Variants in PAAF1 observed in about 807,000 individuals in gnomAD.
PAAF1 encodes proteasomal ATPase-associated factor 1.
In PAAF1, 46 loss-of-function variants were observed where a neutral mutation model predicts 52.8. The ratio of observed to expected loss-of-function variants is 0.87; its 90% CI spans 0.69 to 1.11. The LOEUF (loss-of-function observed/expected upper bound fraction) is 1.11. Ranked by LOEUF, PAAF1 falls within the 50% of genes most tolerant of loss-of-function variation. The pLI is 0.00. For synonymous variants in PAAF1, 178 were observed against 172.8 expected (o/e 1.03, Z -0.24); for missense variants, 424 against 477.4 (o/e 0.89, Z 1.04).
In PAAF1 at chr11:73,929,848, G is replaced by A. The variant is rs530336518; in HGVS notation, c.*2486G>A. ...AAGACGGGTGGATCACCTGAGGTCAGGAGTTCGAGACCAGCCTGACCAACA... is the reference window on the plus strand; with the variant it reads ...AAGACGGGTGGATCACCTGAGGTCAAGAGTTCGAGACCAGCCTGACCAACA... On this transcript the variant is annotated 3_prime_UTR_variant, in exon 12 of 12. Transcript: ENST00000310571. 5 of 150,990 alleles carry A rather than the reference G, an allele frequency of 3.3e-5. No homozygotes were observed. The highest frequency in any genetic ancestry group is 9.7e-5 in the African/African-American group (4 of 41,048). The allele number at this position is 150,990 out of a possible 1,614,324, so 9.4% of individuals were successfully genotyped here. A position where few individuals can be genotyped will look rare whatever the true frequency, so the allele number is the denominator to read the frequency against.
At chr11:73,914,019 C>T (rs1268050888) in intron 7 of PAAF1, among the ~76,000 whole-genome samples, 1 of 152,028 alleles carries the variant, frequency 6.6e-6, no homozygotes, top group Non-Finnish European at 1.5e-5. Flanking sequence ...TTGTGAATGG[C>T]CCCTGCACTC....
chr11:73,894,606 G>A (rs185019783), intron 4 of PAAF1, among the ~76,000 whole-genome samples: 6 of 151,650 alleles, frequency 4.0e-5, no homozygotes, highest in Admixed American at 2.0e-4. Context: ...CATTGTGCAC[G>A]TGTACCCTAA....
chr11:73,925,628 C>G (rs1413281595), intron 11 of PAAF1, among the ~76,000 whole-genome samples: 3 of 152,044 alleles, frequency 2.0e-5, no homozygotes, highest in South Asian at 4.1e-4. Context: ...ATTAAGACTT[C>G]TAGACTGATT....
intron 11 of PAAF1, 75 bp from the exon 12 acceptor site, chr11:73,927,210 T>A (rs557169928): frequency 2.2e-5 from 24 of 1,087,380 alleles, no homozygotes; most frequent in Non-Finnish European, 3.1e-5. Context: ...CTAGTGTGTG[T>A]CAATCATAAG....
At position 73,909,399 on chromosome 11, in the gene PAAF1, G is replaced by T. The variant is rs1338520779; in HGVS notation, c.533G>T (p.Gly178Val). 1 of 1,613,586 alleles carries T rather than the reference G, an allele frequency of 6.2e-7. No homozygotes were observed. The highest frequency in any genetic ancestry group is 2.2e-5 in the East Asian group (1 of 44,858). Residue 178 changes from glycine (G) to valine (V), a missense_variant and splice_region_variant, in exon 7 of 12, where the codon GGT becomes GTT. Gly to Val is a moderately radical substitution (Grantham distance 109). Coordinates refer to ENST00000310571, the MANE Select transcript of PAAF1 (RefSeq NM_025155.3). ...TTAGGGAGTTTTTTTCTCTTGCTAG[G>T]TATCCTGGATACAGCCATCGTTGAT... ...CVVTFKGHKG[G>V]ILDTAIVDRG...
At chr11:73,925,465 C>CA (rs369208529) in intron 11 of PAAF1, among the ~76,000 whole-genome samples, 12,612 of 83,370 alleles carry the variant, frequency 0.15, 980 homozygotes, top group African/African-American at 0.31. Context: ...GACCCTGTCT[C>CA]AAAAAAAAAA....
chr11:73,878,120 CCTTA>C (rs1948794974), intron 1 of PAAF1, among the ~76,000 whole-genome samples: 2 of 152,120 alleles, frequency 1.3e-5, no homozygotes, highest in African/African-American at 2.4e-5. Context: ...TAAATTTATA[CCTTA>C]CTTAATTTAG....
rs924287143 is a variant in PAAF1 at position 73,880,966 on chromosome 11, C to G, written c.88+2147C>G. Among the ~76,000 whole-genome samples the G allele has an allele frequency of 4.6e-5, 7 of 152,048 alleles. No homozygotes were observed. In the South Asian group the frequency reaches 1.5e-3, roughly 32 times the overall value. On this transcript the variant is annotated intron_variant, in intron 2 of 11. Coordinates refer to ENST00000310571, the MANE Select transcript of PAAF1 (RefSeq NM_025155.3). ...AGTGAGTGGAGATCGTGCCATTGCA[C>G]TCCAGCCTGGGCAACAAGAGCGAAA...
upstream of PAAF1, chr11:73,876,905 C>A: frequency 9.3e-7 from 1 of 1,074,052 alleles, no homozygotes; most frequent in Non-Finnish European, 1.3e-6. Context: ...GTGAAAAAGT[C>A]ACGTTTTCAT....
At chr11:73,881,277 C>T (rs955089879) in intron 2 of PAAF1, among the ~76,000 whole-genome samples, 1 of 152,076 alleles carries the variant, frequency 6.6e-6, no homozygotes. Context: ...TTTTTCTTGC[C>T]GATACATACT....
At chr11:73,921,849 A>G (rs1950228777) in intron 10 of PAAF1, 1 of 1,121,466 alleles carries the variant, frequency 8.9e-7, no homozygotes, top group Non-Finnish European at 1.3e-6. Flanking sequence ...GATACATTGC[A>G]TTAAGTGGAA....
intron 2 of PAAF1, 59 bp downstream of exon 2, chr11:73,878,878 A>C (rs1273935159): frequency 1.3e-6 from 2 of 1,521,208 alleles, no homozygotes; most frequent in East Asian, 4.5e-5. Flanking sequence ...ATACCCTTAA[A>C]AGAAAGCTTC....
chr11:73,899,349 C>A, intron 5 of PAAF1, 105 bp downstream of exon 5: 1 of 716,432 alleles, frequency 1.4e-6, no homozygotes. Flanking sequence ...AAATGTGGGA[C>A]CACTCTGCAT....
At chr11:73,902,053 T>G (rs573363625) in intron 6 of PAAF1, among the ~76,000 whole-genome samples, 1 of 151,618 alleles carries the variant, frequency 6.6e-6, no homozygotes, top group East Asian at 1.9e-4. Context: ...TTAGTAGAGA[T>G]GGGGTTTCGC....
In PAAF1 at chr11:73,906,773, G is replaced by A. The variant is rs529539893; in HGVS notation, c.533-2626G>A. 2.2e-3 allele frequency among the ~76,000 whole-genome samples: 337 copies of A among 152,282 alleles called. 1 individual carries two copies. Among genetic ancestry groups the A allele is most frequent in the African/African-American group, 8.0e-3 (331 of 41,552 alleles). ...AATCACATTGGATTGGCACTTGTAC[G>A]TTACGCTGAGTTGCTGTAGAGTTTT... On this transcript the variant is annotated intron_variant, in intron 6 of 11. Coordinates refer to ENST00000310571, the MANE Select transcript of PAAF1 (RefSeq NM_025155.3).
chr11:73,884,936 T>C (rs1949019003), intron 2 of PAAF1, among the ~76,000 whole-genome samples: 2 of 150,468 alleles, frequency 1.3e-5, no homozygotes, highest in Non-Finnish European at 3.0e-5. Context: ...CTCGGCTCAC[T>C]GCAAGTTCCG....
intron 2 of PAAF1, among the ~76,000 whole-genome samples, chr11:73,882,026 C>A (rs1355007124): frequency 3.3e-5 from 5 of 151,896 alleles, no homozygotes; most frequent in Non-Finnish European, 1.5e-5. Flanking sequence ...AAGCATGTGC[C>A]ACCATGCCTG....
intron 2 of PAAF1, among the ~76,000 whole-genome samples, chr11:73,881,699 T>TTTTG (rs929144773): frequency 1.1e-4 from 16 of 152,076 alleles, no homozygotes; most frequent in South Asian, 1.0e-3. Flanking sequence ...CAAGGAGTTT[T>TTTTG]TTTGTTTGTT....
At chr11:73,901,445 C>T (rs1349585562) in intron 6 of PAAF1, among the ~76,000 whole-genome samples, 1 of 152,078 alleles carries the variant, frequency 6.6e-6, no homozygotes, top group Non-Finnish European at 1.5e-5. Context: ...ATAATATCCC[C>T]AAATAATTCC....
Sources: gnomAD v4.1 joint callset for allele counts (sites outside exome capture counted in the v4.1 genomes callset) on GRCh38, gnomAD v4.1.1 for gene constraint, MANE v1.5 for transcripts, NCBI Gene and HGNC (gene_info 2026-07-23, HGNC 2026-07-21) for gene names.